Variants in DRG1 observed in about 807,000 individuals in gnomAD.
DRG1 encodes the protein developmentally regulated GTP binding protein 1, also known as developmentally-regulated GTP-binding protein 1.
In DRG1, 19 loss-of-function variants were observed where a neutral mutation model predicts 38.8. The ratio of observed to expected loss-of-function variants is 0.49; its 90% CI spans 0.34 to 0.72. The LOEUF is 0.72. Among genes scored for constraint, DRG1 ranks in the 30% least tolerant of loss-of-function variants. The probability of loss-of-function intolerance (pLI) is 0.01; values close to 1 mark genes in which losing one functional copy is unlikely to be tolerated. For missense variants in DRG1, 299 were observed against 444.8 expected (o/e 0.67, Z 2.95); for synonymous variants, 167 against 157.5 (o/e 1.06, Z -0.45).
chr22:31,399,943 G>A (rs537836447), intron 1 of DRG1, among the ~76,000 whole-genome samples: 3 of 152,098 alleles, frequency 2.0e-5, no homozygotes, highest in African/African-American at 4.8e-5. Flanking sequence ...CTACGCTCTC[G>A]GACTCCCCTT....
chr22:31,405,172 CTTTTTTTT>C (rs1278780788), intron 3 of DRG1, among the ~76,000 whole-genome samples: 2 of 139,128 alleles, frequency 1.4e-5, no homozygotes, highest in South Asian at 4.6e-4. Flanking sequence ...AATAAATTTT[CTTTTTTTT>C]TTTTTTGAGA....
chr22:31,425,759 TTTAATAAG>T (rs142047175), intron 6 of DRG1, among the ~76,000 whole-genome samples: 2,099 of 152,298 alleles, frequency 0.014, 50 homozygotes, highest in African/African-American at 0.048. Flanking sequence ...TTACTGAGAC[TTTAATAAG>T]TTAAGTCACT....
intron 3 of DRG1, among the ~76,000 whole-genome samples, chr22:31,406,074 G>T (rs779469556): frequency 4.8e-5 from 7 of 146,100 alleles, no homozygotes; most frequent in African/African-American, 1.8e-4. Context: ...GCACAATCTC[G>T]GCTCACTCCA....
At chr22:31,420,676 A>T (rs2145867069) in intron 5 of DRG1, among the ~76,000 whole-genome samples, 1 of 152,316 alleles carries the variant, frequency 6.6e-6, no homozygotes, top group African/African-American at 2.4e-5. Flanking sequence ...GTGGACCAAT[A>T]TTATGCTTGC....
chr22:31,431,151 C>T (rs1264393041), intron 8 of DRG1, among the ~76,000 whole-genome samples: 1 of 150,726 alleles, frequency 6.6e-6, no homozygotes, highest in Non-Finnish European at 1.5e-5. Context: ...TCTCCTGCCT[C>T]AGCCTCCCGA....
At chr22:31,401,207 C>T (rs977947033) in intron 2 of DRG1, among the ~76,000 whole-genome samples, 7 of 151,062 alleles carry the variant, frequency 4.6e-5, no homozygotes, top group African/African-American at 1.7e-4. Flanking sequence ...TTGCTTGAGG[C>T]CAGGAGTTCG....
chr22:31,401,310 C>T (rs974428740), intron 2 of DRG1, among the ~76,000 whole-genome samples: 1 of 150,766 alleles, frequency 6.6e-6, no homozygotes, highest in African/African-American at 2.4e-5. Context: ...AGGCTGGGTG[C>T]GGTGGCTCAC....
intron 4 of DRG1, among the ~76,000 whole-genome samples, chr22:31,418,458 T>C (rs569640149): frequency 5.3e-5 from 8 of 152,088 alleles, no homozygotes; most frequent in African/African-American, 1.9e-4. Flanking sequence ...ACCCTGTCTC[T>C]TCAAAAAAGA....
In DRG1 at chr22:31,400,761, A is replaced by G. The variant is rs577976478; in HGVS notation, c.166+18A>G. The stretch of plus-strand genomic sequence containing the variant: ...AGGAGAAGGTTTGTGTTCTTCTTCA[A>G]TATATATATTTTTAGGTATAATTTT... On this transcript the variant is annotated intron_variant, in intron 2 of 8. Transcript: ENST00000331457. 2 of 1,603,700 alleles carry G rather than the reference A, an allele frequency of 1.2e-6. No homozygotes were observed. The highest frequency in any genetic ancestry group is 1.7e-5 in the Admixed American group (1 of 59,524).
rs200183486 is a variant in DRG1, at chr22:31,426,793, G to A, written c.881+11G>A. On this transcript the variant is annotated intron_variant, in intron 7 of 8. Transcript: ENST00000331457. ...GAAACTAGTGAGAATGTAAGTCTTT[G>A]TGGATAGGGTAATGTTGCTATAGGA... 6.2e-7 allele frequency: 1 copy of A among 1,613,226 alleles called. No individual in the cohort carries two copies. The highest frequency in any genetic ancestry group is 1.1e-5 in the South Asian group (1 of 90,860).
intron 8 of DRG1, among the ~76,000 whole-genome samples, chr22:31,431,034 GCTT>G (rs1482801606): frequency 5.9e-5 from 1 of 16,956 alleles, no homozygotes; most frequent in South Asian, 1.5e-3. Flanking sequence ...CCCCCCCCCC[GCTT>G]TTTTTTTTTT....
intron 3 of DRG1, 116 bp downstream of exon 3, chr22:31,403,320 C>A: frequency 9.0e-7 from 1 of 1,109,036 alleles, no homozygotes; most frequent in Non-Finnish European, 1.3e-6. Context: ...GCACTTACTA[C>A]CTGGTAGGGG....
chr22:31,411,901 T>TTA (rs1163296085), intron 4 of DRG1, among the ~76,000 whole-genome samples: 1 of 152,100 alleles, frequency 6.6e-6, no homozygotes, highest in Admixed American at 6.6e-5. Flanking sequence ...AAGAACGCTA[T>TTA]CTTCTAGCAT....
intron 3 of DRG1, among the ~76,000 whole-genome samples, chr22:31,404,238 C>T (rs1371940377): frequency 6.6e-6 from 1 of 150,840 alleles, no homozygotes; most frequent in Non-Finnish European, 1.5e-5. Context: ...TAGTGGGTAT[C>T]CTTAATCTTC....
At chr22:31,424,371 AAAC>A (rs1371244117) in intron 6 of DRG1, among the ~76,000 whole-genome samples, 1 of 151,150 alleles carries the variant, frequency 6.6e-6, no homozygotes, top group Non-Finnish European at 1.5e-5. Flanking sequence ...GACTGGTCTC[AAAC>A]TCCTGACCTC....
chr22:31,414,402 C>T (rs2050033461), intron 4 of DRG1, among the ~76,000 whole-genome samples: 1 of 152,058 alleles, frequency 6.6e-6, no homozygotes, highest in Non-Finnish European at 1.5e-5. Flanking sequence ...GAGTTTGAGA[C>T]CAGCCTGGGC....
chr22:31,404,456 G>C (rs1426022676), intron 3 of DRG1, among the ~76,000 whole-genome samples: 1 of 151,826 alleles, frequency 6.6e-6, no homozygotes, highest in African/African-American at 2.4e-5. Context: ...TGGTCAGGCT[G>C]GTCTCGAACT....
At chr22:31,424,927 C>G (rs1035587573) in intron 6 of DRG1, among the ~76,000 whole-genome samples, 1 of 151,264 alleles carries the variant, frequency 6.6e-6, no homozygotes, top group Non-Finnish European at 1.5e-5. Context: ...CTCAGCCTCC[C>G]AAGTAGCTGG....
rs2050021986 is a variant in DRG1 at position 31,412,226 on chromosome 22, G to A, written c.412+1145G>A. On this transcript the variant is annotated intron_variant, in intron 4 of 8. Coordinates refer to ENST00000331457, the MANE Select transcript of DRG1 (RefSeq NM_004147.4). The stretch of plus-strand genomic sequence containing the variant: ...GGAGAATGGCGTGAACCCGGGAGGT[G>A]GAGCTTGCAGTGAGCTGAGATCGTG... Among the ~76,000 whole-genome samples, 3 of 151,364 alleles carry A rather than the reference G, an allele frequency of 2.0e-5. No individual in the cohort carries two copies. In the South Asian group the frequency reaches 6.3e-4, roughly 32 times the overall value.
Sources: allele counts gnomAD v4.1 joint callset (sites outside exome capture counted in the v4.1 genomes callset), GRCh38; gene constraint gnomAD v4.1.1; transcripts MANE v1.5; gene names NCBI Gene and HGNC (gene_info 2026-07-23, HGNC 2026-07-21).